PCDHGA5: variants seen among roughly 807,000 people sequenced by gnomAD.
PCDHGA5 encodes the protein protocadherin gamma subfamily A, 5.
A neutral mutation model predicts 56.7 loss-of-function variants in PCDHGA5; 36 were observed. The observed-to-expected ratio is 0.64, with a 90% confidence interval of 0.49 to 0.84. PCDHGA5 has a LOEUF of 0.84. Ranked by LOEUF, PCDHGA5 falls within the 40% of genes least tolerant of loss-of-function variation. The pLI is 0.00. For synonymous variants in PCDHGA5, 563 were observed against 520.2 expected (o/e 1.08, Z -1.12); for missense variants, 1,305 against 1,201.5 (o/e 1.09, Z -1.27).
At chr5:141,415,754 T>TTG in intron 1 of PCDHGA5, 4 of 1,385,736 alleles carry the variant, frequency 2.9e-6, no homozygotes, top group South Asian at 1.7e-5. Flanking sequence ...TTTTTTTTTT[T>TTG]TTTTTTTTTT....
chr5:141,429,264 A>T (rs1029363907), intron 1 of PCDHGA5: 1 of 151,938 alleles, frequency 6.6e-6, no homozygotes, highest in Non-Finnish European at 1.5e-5. Flanking sequence ...TGAGGAATAA[A>T]TTTTTTTCCT....
intron 1 of PCDHGA5, among the ~76,000 whole-genome samples, chr5:141,381,121 T>C (rs1490532443): frequency 6.6e-6 from 1 of 152,260 alleles, no homozygotes; most frequent in East Asian, 1.9e-4. Context: ...TTCCCTGTAT[T>C]CTGGAGCAAT....
In PCDHGA5 at chr5:141,493,521, G is replaced by A. The variant is rs967636266; in HGVS notation, c.2422-1286G>A. Among the ~76,000 whole-genome samples the A allele has an allele frequency of 3.9e-5, 6 of 152,242 alleles. No homozygotes were observed. In the East Asian group the frequency reaches 7.7e-4, roughly 20 times the overall value. The stretch of plus-strand genomic sequence containing the variant: ...CTCATTTCTGAGCAGTCCCCGCAGC[G>A]CAAACTTGGCCAGTTATCCTTTTGG... On this transcript the variant is annotated intron_variant, in intron 1 of 3. Coordinates refer to ENST00000518069, the MANE Select transcript of PCDHGA5 (RefSeq NM_018918.3). This position sits in a 1 kb window ranked among gnomAD's most constrained non-coding sequence, Gnocchi z 4.3.
rs71583649 is a variant in PCDHGA5, at chr5:141,491,361, C to A, written c.2422-3446C>A. On this transcript the variant is annotated intron_variant, in intron 1 of 3. Transcript: ENST00000518069. The surrounding 1 kb of genome is among the most constrained non-coding windows in gnomAD (Gnocchi z 6.9). The stretch of plus-strand genomic sequence containing the variant: ...CGACCGTCAGTCTCTTATCCCTAGT[C>A]ACCTTCACCTTTCTGTCAGCGAAGT... 1.0e-3 allele frequency: 1,614 copies of A among 1,614,132 alleles called. 5 individuals carry two copies. The highest frequency in any genetic ancestry group is 5.1e-3 in the Middle Eastern group (31 of 6,062).
chr5:141,375,290 C>T (rs763674664), intron 1 of PCDHGA5: 14 of 1,613,672 alleles, frequency 8.7e-6, no homozygotes, highest in African/African-American at 2.7e-5. Flanking sequence ...CAATTATTAT[C>T]GATTAGTGAC....
In PCDHGA5 at chr5:141,486,866, G is replaced by A; in HGVS notation, c.2422-7941G>A. Reference sequence around the variant, plus strand: ...GGACCTCAATGACAATGCTCCAGCTGTGCTCCGTCCTCGGGCCCGGCCTGG... The same window carrying A: ...GGACCTCAATGACAATGCTCCAGCTATGCTCCGTCCTCGGGCCCGGCCTGG... On this transcript the variant is annotated intron_variant, in intron 1 of 3. Transcript: ENST00000518069. The surrounding 1 kb of genome is among the most constrained non-coding windows in gnomAD (Gnocchi z 5.0). 6.2e-7 allele frequency: 1 copy of A among 1,614,202 alleles called. No homozygotes were observed. The highest frequency in any genetic ancestry group is 8.5e-7 in the Non-Finnish European group (1 of 1,180,038).
At chr5:141,450,489 CTG>C (rs2098682348) in intron 1 of PCDHGA5, among the ~76,000 whole-genome samples, 1 of 150,280 alleles carries the variant, frequency 6.7e-6, no homozygotes, top group Admixed American at 6.6e-5. Context: ...GTTTGTTTGT[CTG>C]TTTGTTTGTT....
chr5:141,432,635 G>C lies in PCDHGA5; in HGVS notation c.2422-62172G>C, dbSNP rs754354737. On this transcript the variant is annotated intron_variant, in intron 1 of 3. Transcript: ENST00000518069. The surrounding 1 kb of genome is among the most constrained non-coding windows in gnomAD (Gnocchi z 6.0). ...CTCGGTGGGTCTGCACACGGGCGAG[G>C]TGCGCACGGCGCGAGCCCTGCTGGA... The C allele has an allele frequency of 5.6e-6, 9 of 1,612,886 alleles. No individual in the cohort carries two copies. Among genetic ancestry groups the C allele is most frequent in the Non-Finnish European group, 7.6e-6 (9 of 1,179,742 alleles).
At chr5:141,436,327 C>T (rs1384222077) in intron 1 of PCDHGA5, among the ~76,000 whole-genome samples, 1 of 152,098 alleles carries the variant, frequency 6.6e-6, no homozygotes, top group Admixed American at 6.5e-5. Flanking sequence ...ACTGTTAGAC[C>T]ATATCTCAAA....
Position 141,414,386 on chromosome 5 carries a change from G to A in PCDHGA5, c.2421+47635G>A, listed in dbSNP as rs746637010. On this transcript the variant is annotated intron_variant, in intron 1 of 3. Transcript: ENST00000518069. ...TTTAAATTAGAAAAGTCCATTGACA[G>A]TTATTACAGATTGGTGATACACAGA... is the stretch of plus-strand genomic sequence containing the variant. The A allele has an allele frequency of 1.9e-6, 3 of 1,613,906 alleles. No homozygotes were observed. The Admixed American group carries it at 5.0e-5, about 27-fold the overall frequency.
chr5:141,414,371 A>G (rs1447111430), intron 1 of PCDHGA5: 1 of 1,613,954 alleles, frequency 6.2e-7, no homozygotes, highest in South Asian at 1.1e-5. Flanking sequence ...TTTAAATTAG[A>G]AAAGTCCATT....
At chr5:141,454,483 C>T (rs1434684795) in intron 1 of PCDHGA5, among the ~76,000 whole-genome samples, 9 of 151,684 alleles carry the variant, frequency 5.9e-5, no homozygotes, top group African/African-American at 9.7e-5. Flanking sequence ...CTCAGCTCAC[C>T]GCAACCTCCA....
In PCDHGA5 at chr5:141,511,125, A is replaced by T. The variant is rs755685600; in HGVS notation, c.2748A>T (p.Ala916=). Residue 916 remains alanine, a synonymous_variant, in exon 4 of 4, where the codon GCA becomes GCT. Transcript: ENST00000518069. ...GCAAGCGGGATGGCAAGGCCCCAGCAGGTGGCAATGGCAACAAGAAGAAGT... is the reference window on the plus strand; with the variant it reads ...GCAAGCGGGATGGCAAGGCCCCAGCTGGTGGCAATGGCAACAAGAAGAAGT... ...AAGKRDGKAP[A]GGNGNKKKSG... 2 of 1,614,216 alleles carry T rather than the reference A, an allele frequency of 1.2e-6. No individual in the cohort carries two copies. The highest frequency in any genetic ancestry group is 2.2e-5 in the South Asian group (2 of 91,092).
chr5:141,372,520 T>A, intron 1 of PCDHGA5: 1 of 1,614,068 alleles, frequency 6.2e-7, no homozygotes, highest in Non-Finnish European at 8.5e-7. Flanking sequence ...GCGGTGATTC[T>A]GGCAATCTCC....
At chr5:141,453,959 C>A (rs919037104) in intron 1 of PCDHGA5, among the ~76,000 whole-genome samples, 1 of 152,182 alleles carries the variant, frequency 6.6e-6, no homozygotes, top group African/African-American at 2.4e-5. Flanking sequence ...GCACAGACAG[C>A]AAAGCATGTA....
At chr5:141,414,435 C>G (rs891322256) in intron 1 of PCDHGA5, 2 of 1,613,678 alleles carry the variant, frequency 1.2e-6, no homozygotes, top group African/African-American at 1.3e-5. Context: ...AACAGGTATC[C>G]TCTTACAATA....
At position 141,485,562 on chromosome 5, in the gene PCDHGA5, C is replaced by T. The variant is rs779890454; in HGVS notation, c.2422-9245C>T. 2.5e-6 allele frequency: 4 copies of T among 1,612,910 alleles called. No homozygotes were observed. Among genetic ancestry groups the T allele is most frequent in the Admixed American group, 1.7e-5 (1 of 59,996 alleles). On this transcript the variant is annotated intron_variant, in intron 1 of 3. Transcript: ENST00000518069. The surrounding 1 kb of genome is among the most constrained non-coding windows in gnomAD (Gnocchi z 5.7). ...GAGATCGTAGATGTGAATGATCACG[C>T]CCCCCGTTTTCCGCGGCAGCAGCTG... is the stretch of plus-strand genomic sequence containing the variant.
intron 1 of PCDHGA5, among the ~76,000 whole-genome samples, chr5:141,457,124 ACT>A (rs1304231701): frequency 6.6e-6 from 1 of 152,158 alleles, no homozygotes; most frequent in Non-Finnish European, 1.5e-5. Context: ...AGCAATGGAA[ACT>A]CTGTCCAATA....
chr5:141,452,678 C>T (rs1311364057), intron 1 of PCDHGA5, among the ~76,000 whole-genome samples: 1 of 150,100 alleles, frequency 6.7e-6, no homozygotes, highest in African/African-American at 2.5e-5. Flanking sequence ...GCCTAGGCCA[C>T]AGAATGAAAC....
Sources: allele counts gnomAD v4.1 joint callset (sites outside exome capture counted in the v4.1 genomes callset), GRCh38; gene constraint gnomAD v4.1.1; non-coding constraint Gnocchi (gnomAD v3.1); transcripts MANE v1.5; gene names NCBI Gene and HGNC (gene_info 2026-07-23, HGNC 2026-07-21).